The following WWOX variants were observed in gnomAD, a reference collection of about 807,000 sequenced individuals.
WWOX encodes WW domain-containing oxidoreductase.
A neutral mutation model predicts 46.2 loss-of-function variants in WWOX; 69 were observed. The ratio of observed to expected loss-of-function variants is 1.49; its 90% confidence interval spans 1.23 to 1.82. The LOEUF is 1.82. WWOX is among the 40% of genes most tolerant of loss of function. The pLI is 0.00. For synonymous variants in WWOX, 359 were observed against 202.6 expected, an observed-to-expected ratio of 1.77 and a Z score of -6.56; for missense variants, 919 against 542.6, an observed-to-expected ratio of 1.69 and a Z score of -6.89.
At chr16:79,152,883 G>A (rs2050308657) in intron 8 of WWOX, among the ~76,000 whole-genome samples, 1 of 152,146 alleles carries the variant, frequency 6.6e-6, no homozygotes, top group Non-Finnish European at 1.5e-5. Flanking sequence ...GTACCCAGTT[G>A]CACTGAGGGA....
Position 78,801,015 on chromosome 16 carries a change from T to A in WWOX, c.1056+368263T>A, listed in dbSNP as rs73575653. ...ATGTAATAGTTTATTTATTTCATGC[T>A]CCACTTTTCTGGGCAGTTTTGTTGT... On this transcript the variant is annotated intron_variant, in intron 8 of 8. Transcript: ENST00000566780. Among the ~76,000 whole-genome samples, 421 of 151,496 alleles carry A rather than the reference T, an allele frequency of 2.8e-3. 1 individual carries two copies. Among genetic ancestry groups the A allele is most frequent in the African/African-American group, 9.7e-3 (399 of 41,346 alleles).
chr16:78,997,288 C>T (rs560514943), intron 8 of WWOX, among the ~76,000 whole-genome samples: 44 of 152,270 alleles, frequency 2.9e-4, no homozygotes, highest in African/African-American at 1.1e-3. Context: ...ATATAAGGTC[C>T]TTTCCTTAAA....
At chr16:78,862,588 A>G (rs930702556) in intron 8 of WWOX, among the ~76,000 whole-genome samples, 5 of 152,162 alleles carry the variant, frequency 3.3e-5, no homozygotes, top group Non-Finnish European at 5.9e-5. Context: ...GAAACCCAGG[A>G]CAACCAATGG....
At chr16:78,990,925 A>T (rs1567465296) in intron 8 of WWOX, among the ~76,000 whole-genome samples, 1 of 152,236 alleles carries the variant, frequency 6.6e-6, no homozygotes, top group Non-Finnish European at 1.5e-5. Context: ...GAGAGGTGTC[A>T]TGCTGAGAAA....
At chr16:78,250,457 G>A (rs1035399213) in intron 5 of WWOX, among the ~76,000 whole-genome samples, 1 of 151,770 alleles carries the variant, frequency 6.6e-6, no homozygotes, top group Non-Finnish European at 1.5e-5. Context: ...CATTTGACAT[G>A]CCTGGCTAAT....
At chr16:78,960,916 A>T (rs762585703) in intron 8 of WWOX, among the ~76,000 whole-genome samples, 1 of 152,202 alleles carries the variant, frequency 6.6e-6, no homozygotes, top group East Asian at 1.9e-4. Context: ...TTCAGAACCT[A>T]CGGGGCTTGC....
At chr16:79,029,349 C>G (rs895196251) in intron 8 of WWOX, among the ~76,000 whole-genome samples, 1 of 152,222 alleles carries the variant, frequency 6.6e-6, no homozygotes, top group Non-Finnish European at 1.5e-5. Flanking sequence ...GGTATGCAGT[C>G]TACATGCCTG....
intron 8 of WWOX, among the ~76,000 whole-genome samples, chr16:79,188,024 A>G (rs2051054418): frequency 6.6e-6 from 1 of 152,170 alleles, no homozygotes. Flanking sequence ...TTCAAACACA[A>G]ATTCCTTCTC....
intron 8 of WWOX, among the ~76,000 whole-genome samples, chr16:78,436,365 T>G (rs2083335889): frequency 6.6e-6 from 1 of 152,146 alleles, no homozygotes; most frequent in South Asian, 2.1e-4. Context: ...CACGTCTCAT[T>G]TGTGAGGAAG....
chr16:79,173,133 A>G (rs1428552265), intron 8 of WWOX, among the ~76,000 whole-genome samples: 1 of 152,234 alleles, frequency 6.6e-6, no homozygotes, highest in Non-Finnish European at 1.5e-5. Flanking sequence ...ATCACATTTG[A>G]CACACATGTG....
At chr16:78,416,514 G>A (rs2082800571) in intron 6 of WWOX, among the ~76,000 whole-genome samples, 1 of 152,216 alleles carries the variant, frequency 6.6e-6, no homozygotes, top group Admixed American at 6.5e-5. Flanking sequence ...AAAATTTGGT[G>A]AGAGAGGAAA....
chr16:78,675,987 G>A (rs894901004), intron 8 of WWOX, among the ~76,000 whole-genome samples: 3 of 152,076 alleles, frequency 2.0e-5, no homozygotes, highest in African/African-American at 7.2e-5. Context: ...CAAGATTTTA[G>A]TGGAAAGGGA....
At chr16:78,588,177 C>G (rs757162434) in intron 8 of WWOX, among the ~76,000 whole-genome samples, 1 of 152,184 alleles carries the variant, frequency 6.6e-6, no homozygotes, top group Admixed American at 6.5e-5. Context: ...GAAGTTTCCC[C>G]TGGGTGGCTC....
intron 5 of WWOX, among the ~76,000 whole-genome samples, chr16:78,299,060 A>G (rs1212678521): frequency 2.0e-5 from 3 of 152,212 alleles, no homozygotes; most frequent in Non-Finnish European, 4.4e-5. Flanking sequence ...TAGGAGATAC[A>G]TGGAGAATAT....
At chr16:78,347,544 G>C (rs368749554) in intron 5 of WWOX, among the ~76,000 whole-genome samples, 4 of 118,552 alleles carry the variant, frequency 3.4e-5, no homozygotes, top group Admixed American at 2.5e-4. Flanking sequence ...CTTCTTAGGC[G>C]TGTTGCATCT....
intron 5 of WWOX, among the ~76,000 whole-genome samples, chr16:78,357,696 T>G (rs1457093218): frequency 6.6e-6 from 1 of 152,198 alleles, no homozygotes. Flanking sequence ...TAGCTGTGAT[T>G]ATTGATCACT....
At chr16:78,710,802 A>T (rs987220529) in intron 8 of WWOX, among the ~76,000 whole-genome samples, 1 of 151,360 alleles carries the variant, frequency 6.6e-6, no homozygotes, top group African/African-American at 2.4e-5. Context: ...TTTTGTAGAG[A>T]TAGGATCTCT....
rs528670366 is a variant in WWOX, at chr16:78,792,191, G to A, written c.1056+359439G>A. ...AAACATTCGATTCTCGCCATCTCTG[G>A]GTTTGAGGTGACCTTGGCTAAGCTC... is the stretch of plus-strand genomic sequence containing the variant. On this transcript the variant is annotated intron_variant, in intron 8 of 8. Coordinates refer to ENST00000566780, the MANE Select transcript of WWOX (RefSeq NM_016373.4). Among the ~76,000 whole-genome samples, 8 of 152,198 alleles carry A rather than the reference G, an allele frequency of 5.3e-5. No homozygotes were observed. The South Asian group carries it at 1.5e-3, about 28-fold the overall frequency.
intron 5 of WWOX, among the ~76,000 whole-genome samples, chr16:78,317,307 GTC>G (rs1244599073): frequency 1.3e-5 from 2 of 152,108 alleles, no homozygotes; most frequent in Admixed American, 1.3e-4. Context: ...CTCTGTTTCT[GTC>G]TCTCTCACTC....
Sources: gnomAD v4.1 joint callset for allele counts (sites outside exome capture counted in the v4.1 genomes callset) on GRCh38, gnomAD v4.1.1 for gene constraint, MANE v1.5 for transcripts, NCBI Gene and HGNC (gene_info 2026-07-23, HGNC 2026-07-21) for gene names.